The following TBCD variants were observed in gnomAD, a reference collection of about 807,000 sequenced individuals.
The protein encoded by TBCD is tubulin folding cofactor D.
A neutral mutation model predicts 169.3 loss-of-function variants in TBCD; 105 were observed. That is an observed-to-expected ratio of 0.62 (90% CI 0.53 to 0.73). The LOEUF (loss-of-function observed/expected upper bound fraction) is 0.73, where lower values mean the gene tolerates loss of function less well. Among genes scored for constraint, TBCD ranks in the 30% least tolerant of loss-of-function variants. The pLI, the probability that TBCD is intolerant of heterozygous loss-of-function variation, is 0.00. For synonymous variants in TBCD, 700 were observed against 643.9 expected (o/e 1.09, Z -1.32); for missense variants, 1,444 against 1,600.1 (o/e 0.90, Z 1.66).
chr17:82,838,850 C>T (rs1379830537), intron 13 of TBCD: 2 of 985,304 alleles, frequency 2.0e-6, no homozygotes, highest in African/African-American at 3.5e-5. Flanking sequence ...AACAAACGCT[C>T]ACCACTTTAC....
chr17:82,851,522 G>A (rs981051799), intron 13 of TBCD, among the ~76,000 whole-genome samples: 4 of 152,216 alleles, frequency 2.6e-5, no homozygotes, highest in Non-Finnish European at 5.9e-5. Flanking sequence ...GGCCCACAGG[G>A]CCCGAGGTTC....
At position 82,940,221 on chromosome 17, in the gene TBCD, G is replaced by GCGCGCACACACACACACA. The variant is rs1356825330; in HGVS notation, c.3479+746_3479+747insGCGCACACACACACACAC. Among the ~76,000 whole-genome samples the GCGCGCACACACACACACA allele has an allele frequency of 6.8e-5, 9 of 131,804 alleles. No individual in the cohort carries two copies. In the East Asian group the frequency reaches 1.6e-3, roughly 23 times the overall value. 86.5% of individuals were successfully genotyped at this position (131,804 alleles called of 152,430 possible). On this transcript the variant is annotated intron_variant, in intron 37 of 38. Coordinates refer to ENST00000355528, the MANE Select transcript of TBCD (RefSeq NM_005993.5). ...CACACACATGCTCACTTGCACGCGC[G>GCGCGCACACACACACACA]CACACACACACACACACACACACAC...
intron 9 of TBCD, among the ~76,000 whole-genome samples, chr17:82,803,818 C>T (rs1038055807): frequency 9.3e-5 from 14 of 150,888 alleles, no homozygotes; most frequent in African/African-American, 2.0e-4. Context: ...CTGAGCTGCG[C>T]GCTTGCGTGA....
intron 13 of TBCD, among the ~76,000 whole-genome samples, chr17:82,856,863 G>T (rs1303702970): frequency 1.5e-4 from 21 of 141,122 alleles, no homozygotes; most frequent in Admixed American, 2.8e-4. Context: ...CGGGATCGCT[G>T]GACCGCGTGC....
chr17:82,756,363 C>T (rs971795334), intron 2 of TBCD, 148 bp downstream of exon 2: 62 of 789,212 alleles, frequency 7.9e-5, no homozygotes, highest in Middle Eastern at 2.7e-4. Context: ...TGGTTTTAGC[C>T]GACCTGTGAT....
At chr17:82,786,209 G>A (rs890065945) in intron 7 of TBCD, among the ~76,000 whole-genome samples, 1 of 151,998 alleles carries the variant, frequency 6.6e-6, no homozygotes, top group African/African-American at 2.4e-5. Context: ...GGCTTCGAGG[G>A]CTTCTCTGCC....
At chr17:82,938,004 T>G (rs2062778867) in intron 35 of TBCD, 45 bp from the exon 36 acceptor site, 2 of 1,607,084 alleles carry the variant, frequency 1.2e-6, no homozygotes, top group Non-Finnish European at 1.7e-6. Flanking sequence ...GGGGTTGGCC[T>G]GCGCGGGGTG....
intron 13 of TBCD, among the ~76,000 whole-genome samples, chr17:82,834,374 T>A (rs2053783882): frequency 6.6e-6 from 1 of 152,196 alleles, no homozygotes; most frequent in Non-Finnish European, 1.5e-5. Context: ...GGATCAAGGC[T>A]AAGCACTTTA....
chr17:82,824,999 C>T (rs2052719651), intron 13 of TBCD, among the ~76,000 whole-genome samples: 1 of 151,942 alleles, frequency 6.6e-6, no homozygotes, highest in African/African-American at 2.4e-5. Flanking sequence ...GAGATAGACA[C>T]AAAGGGCTTA....
intron 14 of TBCD, chr17:82,876,888 G>A (rs2058015316): frequency 2.5e-6 from 2 of 814,790 alleles, no homozygotes; most frequent in South Asian, 1.1e-4. Context: ...AGGGAGCCGG[G>A]AGTGCCTGCG....
intron 8 of TBCD, among the ~76,000 whole-genome samples, chr17:82,799,558 G>T (rs533866085): frequency 6.6e-6 from 1 of 151,882 alleles, no homozygotes; most frequent in Admixed American, 6.6e-5. Context: ...AGAGAATGGC[G>T]TGCACGCCCC....
At chr17:82,911,283 C>T (rs2060622916) in intron 22 of TBCD, among the ~76,000 whole-genome samples, 1 of 152,220 alleles carries the variant, frequency 6.6e-6, no homozygotes, top group Admixed American at 6.5e-5. Context: ...CTCCCCAGGG[C>T]AGCGCGCCTG....
rs1225909356 is a variant in TBCD at position 82,785,300 on chromosome 17, C to T, written c.771+3579C>T. ...TGTGACTGGGACCACTGGACCCGAC[C>T]CATCGCAGCGGGAGGGGGGTCCATG... On this transcript the variant is annotated intron_variant, in intron 7 of 38. Coordinates refer to ENST00000355528, the MANE Select transcript of TBCD (RefSeq NM_005993.5). Among the ~76,000 whole-genome samples, 5 of 76,430 alleles carry T rather than the reference C, an allele frequency of 6.5e-5. No individual in the cohort carries two copies. The East Asian group carries it at 2.2e-3, about 33-fold the overall frequency. 50.1% of individuals were successfully genotyped at this position (76,430 alleles called of 152,430 possible).
At chr17:82,859,489 A>G (rs986510173) in intron 13 of TBCD, 2 of 948,944 alleles carry the variant, frequency 2.1e-6, no homozygotes, top group Non-Finnish European at 2.5e-6. Flanking sequence ...CTACACTCAC[A>G]CACTGGCTTT....
At chr17:82,892,772 A>G (rs1343938267) in intron 16 of TBCD, among the ~76,000 whole-genome samples, 2 of 152,204 alleles carry the variant, frequency 1.3e-5, no homozygotes, top group East Asian at 1.9e-4. Context: ...TGTGGGGTTT[A>G]AAGTTTGTCA....
At chr17:82,801,408 G>A (rs1411486709) in intron 9 of TBCD, among the ~76,000 whole-genome samples, 1 of 152,236 alleles carries the variant, frequency 6.6e-6, no homozygotes, top group Non-Finnish European at 1.5e-5. Flanking sequence ...TGGAAGAACT[G>A]CAGCTGGCGT....
chr17:82,883,264 T>C (rs549709084), intron 14 of TBCD, among the ~76,000 whole-genome samples: 24 of 152,390 alleles, frequency 1.6e-4, no homozygotes, highest in African/African-American at 5.8e-4. Flanking sequence ...AGGCCGCTTA[T>C]CTCCGCGTGT....
At chr17:82,767,420 G>A (rs1262245596) in intron 4 of TBCD, among the ~76,000 whole-genome samples, 1 of 152,010 alleles carries the variant, frequency 6.6e-6, no homozygotes, top group Non-Finnish European at 1.5e-5. Context: ...TTTTTTATTA[G>A]AAGTTGATAA....
chr17:82,845,012 G>A (rs1174647458), intron 13 of TBCD, among the ~76,000 whole-genome samples: 2 of 152,262 alleles, frequency 1.3e-5, no homozygotes, highest in East Asian at 3.9e-4. Context: ...TTCCCTGGGT[G>A]GGGAAGGAGG....
Sources: gnomAD v4.1 joint callset for allele counts (sites outside exome capture counted in the v4.1 genomes callset) on GRCh38, gnomAD v4.1.1 for gene constraint, MANE v1.5 for transcripts, NCBI Gene and HGNC (gene_info 2026-07-23, HGNC 2026-07-21) for gene names.